CDKAL1: variants seen among roughly 807,000 people sequenced by gnomAD.
CDKAL1 encodes CDKAL1 threonylcarbamoyladenosine tRNA methylthiotransferase, also known as threonylcarbamoyladenosine tRNA methylthiotransferase.
Under a neutral mutation model 68.2 loss-of-function variants are expected in CDKAL1, and 32 were observed. The observed-to-expected ratio is 0.47, with a 90% CI of 0.35 to 0.63. The LOEUF (loss-of-function observed/expected upper bound fraction) is 0.63, where lower values mean the gene tolerates loss of function less well. CDKAL1 is among the 30% of genes least tolerant of loss of function. CDKAL1 has a pLI of 0.00. For missense variants in CDKAL1, 606 were observed against 696.7 expected, an observed-to-expected ratio of 0.87 and a Z score of 1.47; for synonymous variants, 234 against 244.3, an observed-to-expected ratio of 0.96 and a Z score of 0.39.
intron 8 of CDKAL1, among the ~76,000 whole-genome samples, chr6:20,817,500 T>G (rs182378669): frequency 6.6e-6 from 1 of 152,292 alleles, no homozygotes; most frequent in East Asian, 1.9e-4. Context: ...AAAGAAACAC[T>G]TTGAACATGA....
At chr6:20,639,029 T>C (rs559867678) in intron 4 of CDKAL1, among the ~76,000 whole-genome samples, 4 of 152,292 alleles carry the variant, frequency 2.6e-5, no homozygotes, top group Admixed American at 2.0e-4. Context: ...TTAATAATGT[T>C]CTTTTCTACA....
chr6:20,812,683 T>C (rs1776873457), intron 8 of CDKAL1, among the ~76,000 whole-genome samples: 1 of 152,206 alleles, frequency 6.6e-6, no homozygotes, highest in East Asian at 1.9e-4. Flanking sequence ...ACAGCCTAGA[T>C]TGTTAGATTC....
rs1363801432 is a variant in CDKAL1 at position 20,751,677 on chromosome 6, T to TA, written c.469-6915dup. Among the ~76,000 whole-genome samples, 28 of 152,216 alleles carry TA rather than the reference T, an allele frequency of 1.8e-4. 2 individuals are homozygous for TA. Among genetic ancestry groups the TA allele is most frequent in the Non-Finnish European group, 5.9e-5 (4 of 68,032 alleles). On this transcript the variant is annotated intron_variant, in intron 6 of 15. Transcript: ENST00000274695. Reference sequence around the variant, plus strand: ...TAAAATATTTTTGTGGATTTCTTTTTAAAGTTCTGCAGTAGAATGACTCAT... The same window carrying TA: ...TAAAATATTTTTGTGGATTTCTTTTTAAAAGTTCTGCAGTAGAATGACTCAT...
rs143899675 is a variant in CDKAL1 at position 20,869,686 on chromosome 6, C to T, written c.742+23508C>T. On this transcript the variant is annotated intron_variant, in intron 9 of 15. Transcript: ENST00000274695. The stretch of plus-strand genomic sequence containing the variant: ...TAAAACTTGCCAAATTAATTTTATA[C>T]GAATGCTTTCACATAACATTAAAAA... Among the ~76,000 whole-genome samples, 1,220 of 152,174 alleles carry T rather than the reference C, an allele frequency of 8.0e-3. 12 individuals carry two copies. The highest frequency in any genetic ancestry group is 0.028 in the African/African-American group (1,161 of 41,518).
At position 21,082,183 on chromosome 6, in the gene CDKAL1, G is replaced by A. The variant is rs1345695635; in HGVS notation, c.1236+16955G>A. ...CTAGTTATGTTCCATCTGGGATCTT[G>A]TAATCTAAGATGAATGACCTGGTGC... On this transcript the variant is annotated intron_variant, in intron 12 of 15. Coordinates refer to ENST00000274695, the MANE Select transcript of CDKAL1 (RefSeq NM_017774.3). 5.9e-5 allele frequency among the ~76,000 whole-genome samples: 9 copies of A among 152,284 alleles called. No individual in the cohort carries two copies. The East Asian group carries it at 1.2e-3, about 20-fold the overall frequency.
At chr6:21,153,901 T>G (rs9460602) in intron 13 of CDKAL1, among the ~76,000 whole-genome samples, 30,543 of 152,100 alleles carry the variant, frequency 0.2, 3,373 homozygotes, top group Non-Finnish European at 0.25. Context: ...CTGGACTTTT[T>G]TCACACAGGG....
rs1763089424 is a variant in CDKAL1, at chr6:20,534,502, A to C, written c.-122A>C. On this transcript the variant is annotated 5_prime_UTR_variant, in exon 1 of 16. Transcript: ENST00000274695. ...ATGTGTCATGGCGCTCTCCATCTAAAGTCTGTGCAGCTTCCGGAGAGTGGC... is the reference window on the plus strand; with the variant it reads ...ATGTGTCATGGCGCTCTCCATCTAACGTCTGTGCAGCTTCCGGAGAGTGGC... The C allele has an allele frequency of 6.5e-6, 1 of 152,790 alleles. No individual in the cohort carries two copies. The highest frequency in any genetic ancestry group is 1.5e-5 in the Non-Finnish European group (1 of 68,062). 9.5% of individuals were successfully genotyped at this position (152,790 alleles called of 1,614,324 possible).
chr6:20,731,581 G>A (rs1019079259), intron 5 of CDKAL1, among the ~76,000 whole-genome samples: 7 of 152,072 alleles, frequency 4.6e-5, no homozygotes, highest in Admixed American at 1.3e-4. Flanking sequence ...ACAAACTTAC[G>A]GCCTTTAGTA....
chr6:20,540,117 G>A (rs12199073), intron 2 of CDKAL1, among the ~76,000 whole-genome samples: 13,216 of 143,616 alleles, frequency 0.092, 819 homozygotes, highest in African/African-American at 0.19. Context: ...TCTGTTGGCC[G>A]GGCTGGAGTG....
intron 4 of CDKAL1, among the ~76,000 whole-genome samples, chr6:20,614,248 T>A (rs1279860016): frequency 6.6e-6 from 1 of 152,182 alleles, no homozygotes; most frequent in Non-Finnish European, 1.5e-5. Flanking sequence ...AAGAAAATAA[T>A]TACTTTTTAC....
intron 6 of CDKAL1, among the ~76,000 whole-genome samples, chr6:20,754,471 T>C (rs1774081583): frequency 6.6e-6 from 1 of 152,240 alleles, no homozygotes; most frequent in Admixed American, 6.5e-5. Flanking sequence ...CATTTTCTCA[T>C]ACTAAAACTC....
chr6:20,669,317 G>A (rs559392627), intron 5 of CDKAL1, among the ~76,000 whole-genome samples: 3 of 152,188 alleles, frequency 2.0e-5, no homozygotes, highest in South Asian at 2.1e-4. Flanking sequence ...GAATTTTTGA[G>A]TGTAAAGAAG....
intron 9 of CDKAL1, among the ~76,000 whole-genome samples, chr6:20,934,565 G>T (rs767866312): frequency 6.6e-6 from 1 of 151,988 alleles, no homozygotes; most frequent in Non-Finnish European, 1.5e-5. Context: ...AAAGTCCTAG[G>T]TAGGCATGGT....
chr6:20,870,349 C>A (rs1760144778), intron 9 of CDKAL1, among the ~76,000 whole-genome samples: 1 of 152,138 alleles, frequency 6.6e-6, no homozygotes, highest in Admixed American at 6.6e-5. Context: ...TAACTTTTTT[C>A]CCCATTTACT....
At chr6:20,738,170 C>T (rs1479732937) in intron 5 of CDKAL1, among the ~76,000 whole-genome samples, 1 of 152,110 alleles carries the variant, frequency 6.6e-6, no homozygotes, top group Non-Finnish European at 1.5e-5. Flanking sequence ...ACATAACACG[C>T]AGTGCCCAAA....
chr6:20,836,427 A>G (rs1777949143), intron 8 of CDKAL1, among the ~76,000 whole-genome samples: 1 of 152,244 alleles, frequency 6.6e-6, no homozygotes, highest in African/African-American at 2.4e-5. Flanking sequence ...TGAAAAGAAT[A>G]GAATCTGGGA....
At chr6:21,202,397 A>T (rs1778726645) in intron 15 of CDKAL1, among the ~76,000 whole-genome samples, 1 of 126,948 alleles carries the variant, frequency 7.9e-6, no homozygotes, top group East Asian at 2.2e-4. Context: ...GCTGTTTATT[A>T]AAAAAAAAAA....
intron 9 of CDKAL1, among the ~76,000 whole-genome samples, chr6:20,897,811 G>A (rs1761770647): frequency 6.6e-6 from 1 of 151,548 alleles, no homozygotes; most frequent in Non-Finnish European, 1.5e-5. Context: ...ATTTCCTACA[G>A]TGAACATGAA....
intron 13 of CDKAL1, among the ~76,000 whole-genome samples, chr6:21,190,403 T>C (rs1778186578): frequency 6.6e-6 from 1 of 152,044 alleles, no homozygotes; most frequent in East Asian, 1.9e-4. Context: ...GTCTCATTCT[T>C]GTCGCCCAGG....
Sources: gnomAD v4.1 joint callset for allele counts (sites outside exome capture counted in the v4.1 genomes callset) on GRCh38, gnomAD v4.1.1 for gene constraint, MANE v1.5 for transcripts, NCBI Gene and HGNC (gene_info 2026-07-23, HGNC 2026-07-21) for gene names.